PLEKHH1: variants seen among roughly 807,000 people sequenced by gnomAD.
PLEKHH1 encodes pleckstrin homology domain-containing family H member 1.
A neutral mutation model predicts 160.0 loss-of-function variants in PLEKHH1; 104 were observed. The ratio of observed to expected loss-of-function variants is 0.65; its 90% confidence interval spans 0.55 to 0.76. PLEKHH1 has a LOEUF of 0.76. Ranked by LOEUF, PLEKHH1 falls within the 30% of genes least tolerant of loss-of-function variation. The pLI is 0.00. For missense variants in PLEKHH1, 1,427 were observed against 1,724.1 expected, an observed-to-expected ratio of 0.83 and a Z score of 3.05; for synonymous variants, 619 against 678.4, an observed-to-expected ratio of 0.91 and a Z score of 1.36.
intron 8 of PLEKHH1, 181 bp from the exon 9 acceptor site, chr14:67,569,740 T>G: frequency 2.8e-5 from 17 of 608,148 alleles, no homozygotes; most frequent in East Asian, 1.1e-4. Flanking sequence ...CTTTACCACA[T>G]GGAGATCATG....
chr14:67,538,028 TA>T (rs1344554346), intron 1 of PLEKHH1, among the ~76,000 whole-genome samples: 1 of 152,182 alleles, frequency 6.6e-6, no homozygotes, highest in Non-Finnish European at 1.5e-5. Flanking sequence ...CAGCTGATCG[TA>T]ATTTTAGCGG....
At position 67,573,508 on chromosome 14, in the gene PLEKHH1, G is replaced by A; in HGVS notation, c.1839+122G>A. 1.4e-6 allele frequency: 1 copy of A among 707,218 alleles called. No homozygotes were observed. The allele number at this position is 707,218 out of a possible 1,614,324, so 43.8% of individuals were successfully genotyped here. A position where few individuals can be genotyped will look rare whatever the true frequency, so the allele number is the denominator to read the frequency against. Reference sequence around the variant, plus strand: ...GCCAGAGGGCAAAGGTCTGGCAGGTGGGGAGAGGCAACCTCACTGGGCCCC... The same window carrying A: ...GCCAGAGGGCAAAGGTCTGGCAGGTAGGGAGAGGCAACCTCACTGGGCCCC... On this transcript the variant is annotated intron_variant, in intron 12 of 28. Coordinates refer to ENST00000329153, the MANE Select transcript of PLEKHH1 (RefSeq NM_020715.3). The surrounding 1 kb of genome is among the most constrained non-coding windows in gnomAD (Gnocchi z 4.8).
At position 67,573,139 on chromosome 14, in the gene PLEKHH1, A is replaced by G. The variant is rs2140477259; in HGVS notation, c.1729-137A>G. On this transcript the variant is annotated intron_variant, in intron 11 of 28. Coordinates refer to ENST00000329153, the MANE Select transcript of PLEKHH1 (RefSeq NM_020715.3). The surrounding 1 kb of genome is among the most constrained non-coding windows in gnomAD (Gnocchi z 4.8). ...TAGCAGGGCATGGTACTCTGAAAAT[A>G]CACTGAGTAGGTACTCAATAATTTT... The G allele has an allele frequency of 1.6e-6, 1 of 618,904 alleles. No homozygotes were observed. The highest frequency in any genetic ancestry group is 2.5e-5 in the Admixed American group (1 of 39,640). The allele number at this position is 618,904 out of a possible 1,614,324, so 38.3% of individuals were successfully genotyped here. A position where few individuals can be genotyped will look rare whatever the true frequency, so the allele number is the denominator to read the frequency against.
chr14:67,571,889 G>A lies in PLEKHH1; in HGVS notation c.1572G>A (p.Arg524=). 4 of 1,610,594 alleles carry A rather than the reference G, an allele frequency of 2.5e-6. No individual in the cohort carries two copies. Among genetic ancestry groups the A allele is most frequent in the Non-Finnish European group, 3.4e-6 (4 of 1,178,342 alleles). ...SRKTSGLGSP[R]AIKRGVSMSS... is the part of the protein sequence containing the mutation. Reference sequence around the variant, plus strand: ...AGACCAGCGGACTAGGCAGCCCCCGGGCCATCAAGAGAGGTACAGAGAAGG... The same window carrying A: ...AGACCAGCGGACTAGGCAGCCCCCGAGCCATCAAGAGAGGTACAGAGAAGG... The change falls in exon 10 of 29, where the codon CGG becomes CGA. Residue 524 remains arginine (R), a synonymous_variant. Coordinates refer to ENST00000329153, the MANE Select transcript of PLEKHH1 (RefSeq NM_020715.3).
intron 26 of PLEKHH1, 50 bp from the exon 27 acceptor site, chr14:67,585,518 C>A: frequency 1.6e-6 from 2 of 1,280,434 alleles, no homozygotes; most frequent in Non-Finnish European, 2.2e-6. Flanking sequence ...TATTATAGTT[C>A]AAAATCTCTA....
rs747277456 is a variant in PLEKHH1 at position 67,583,735 on chromosome 14, C to T, written c.3427-6C>T. ...TGACTGGTCTCTTCATATGCTTCTA[C>T]CACAGGTAGAATATGGGGACTTGGA... On this transcript the variant is annotated splice_polypyrimidine_tract_variant and splice_region_variant and intron_variant, in intron 24 of 28. Coordinates refer to ENST00000329153, the MANE Select transcript of PLEKHH1 (RefSeq NM_020715.3). The T allele has an allele frequency of 1.2e-6, 2 of 1,609,320 alleles. No individual in the cohort carries two copies. Among genetic ancestry groups the T allele is most frequent in the Non-Finnish European group, 1.7e-6 (2 of 1,177,616 alleles).
Position 67,559,641 on chromosome 14 carries a change from C to G in PLEKHH1, c.373C>G (p.Gln125Glu), listed in dbSNP as rs760953304. ...QMRAEEAKTV[Q>E]EKAAKIKEWV... ...GAGGGCAGAGGAAGCAAAAACTGTT[C>G]AAGAAAAAGCTGCAAAGATCAAGGA... is the stretch of plus-strand genomic sequence containing the variant. The change falls in exon 5 of 29, where the codon CAA (glutamine) becomes GAA (glutamate). Residue 125 changes from glutamine (Q) to glutamate (E), a missense_variant. Gln to Glu is a conservative substitution (Grantham distance 29). Around this residue, in one of 6 missense-constraint regions of PLEKHH1, gnomAD observed 831 missense variants for 929.2 expected, o/e 0.89. Transcript: ENST00000329153. 6.2e-7 allele frequency: 1 copy of G among 1,605,334 alleles called. No homozygotes were observed. Among genetic ancestry groups the G allele is most frequent in the South Asian group, 1.1e-5 (1 of 88,776 alleles).
chr14:67,556,702 A>C (rs943586267), intron 3 of PLEKHH1, among the ~76,000 whole-genome samples: 3 of 152,248 alleles, frequency 2.0e-5, no homozygotes, highest in African/African-American at 7.2e-5. Context: ...AGCCTGGGCA[A>C]TATAGCAAGA....
intron 7 of PLEKHH1, 142 bp downstream of exon 7, chr14:67,563,036 G>T: frequency 2.5e-6 from 2 of 790,010 alleles, no homozygotes; most frequent in East Asian, 5.4e-5. Flanking sequence ...CATGGAGCCT[G>T]TGCAGACCAC....
chr14:67,576,310 G>C lies in PLEKHH1; in HGVS notation c.2353-85G>C. 1 of 731,144 alleles carries C rather than the reference G, an allele frequency of 1.4e-6. No individual in the cohort carries two copies. The highest frequency in any genetic ancestry group is 1.8e-5 in the South Asian group (1 of 55,940). 45.3% of individuals were successfully genotyped at this position (731,144 alleles called of 1,614,324 possible). A position where few individuals can be genotyped will look rare whatever the true frequency, so the allele number is the denominator to read the frequency against. ...AACTAGCTGAACCCCACATGGGCTT[G>C]GTCCCTTCAAGGAGTCCTCCTTGGA... On this transcript the variant is annotated intron_variant, in intron 16 of 28. Coordinates refer to ENST00000329153, the MANE Select transcript of PLEKHH1 (RefSeq NM_020715.3). The surrounding 1 kb of genome is among the most constrained non-coding windows in gnomAD (Gnocchi z 4.0).
In PLEKHH1 at chr14:67,541,897, CA is replaced by C. The variant is rs750536283; in HGVS notation, c.31del (p.Ser11AlafsTer2). ...CAGAACTCAAGGTGGAGGCGCCGGC[CA>C]GCGTAGACTGGCAGAAACGCTGCCT... MAELKVEAPA[S>X]VDWQKRCLTL... On this transcript the variant is annotated frameshift_variant, in exon 2 of 29. Coordinates refer to ENST00000329153, the MANE Select transcript of PLEKHH1 (RefSeq NM_020715.3). LOFTEE classifies it high-confidence loss of function. 23 of 1,603,420 alleles carry C rather than the reference CA, an allele frequency of 1.4e-5. No homozygotes were observed. The highest frequency in any genetic ancestry group is 1.7e-5 in the Non-Finnish European group (20 of 1,175,196).
Position 67,587,242 on chromosome 14 carries a change from C to A in PLEKHH1, c.*7C>A. ...GGGGCCAACGTTGCTGTGAATATTT[C>A]TCCTACCCGATTCCCCAACACCACT... On this transcript the variant is annotated 3_prime_UTR_variant, in exon 29 of 29. Transcript: ENST00000329153. 6.2e-7 allele frequency: 1 copy of A among 1,613,514 alleles called. No individual in the cohort carries two copies. The highest frequency in any genetic ancestry group is 2.2e-5 in the East Asian group (1 of 44,868).
intron 8 of PLEKHH1, 89 bp downstream of exon 8, chr14:67,569,305 G>C (rs1182510320): frequency 1.1e-6 from 1 of 923,598 alleles, no homozygotes; most frequent in Non-Finnish European, 1.7e-6. Context: ...GCAACACCCA[G>C]GGCCAGGGTT....
At position 67,572,145 on chromosome 14, in the gene PLEKHH1, G is replaced by A. The variant is rs1312770363; in HGVS notation, c.1596G>A (p.Met532Ile). The A allele has an allele frequency of 1.2e-6, 2 of 1,606,938 alleles. No homozygotes were observed. Among genetic ancestry groups the A allele is most frequent in the East Asian group, 4.5e-5 (2 of 44,536 alleles). The change falls in exon 11 of 29, where the codon ATG becomes ATA. Residue 532 changes from methionine to isoleucine, a missense_variant. Coordinates refer to ENST00000329153, the MANE Select transcript of PLEKHH1 (RefSeq NM_020715.3). The part of the protein sequence containing the change: ...SPRAIKRGVS[M>I]SSLSSEGDYA... ...TCCTCCCTCGGCAAGGCGTCTCCAT[G>A]TCCTCACTGAGCTCCGAGGGTGACT...
At chr14:67,572,001 C>A in intron 10 of PLEKHH1, 99 bp downstream of exon 10, 2 of 1,488,538 alleles carry the variant, frequency 1.3e-6, no homozygotes, top group Non-Finnish European at 1.8e-6. Context: ...GATCTGAGCT[C>A]GTGACCCCCC....
intron 7 of PLEKHH1, among the ~76,000 whole-genome samples, chr14:67,565,128 T>A (rs2035029266): frequency 1.3e-5 from 2 of 152,186 alleles, no homozygotes; most frequent in Admixed American, 1.3e-4. Context: ...AGGGCTCCTT[T>A]CCTTGCAAGG....
At chr14:67,564,554 C>A (rs146960207) in intron 7 of PLEKHH1, among the ~76,000 whole-genome samples, 19 of 152,178 alleles carry the variant, frequency 1.2e-4, no homozygotes, top group African/African-American at 4.6e-4. Context: ...GCCTCCTGGG[C>A]TCAAGCAATC....
rs1202640523 is a variant in PLEKHH1, at chr14:67,577,400, C to T, written c.2560C>T (p.Leu854Phe). 6.3e-7 allele frequency: 1 copy of T among 1,581,640 alleles called. No individual in the cohort carries two copies. The highest frequency in any genetic ancestry group is 2.3e-5 in the East Asian group (1 of 43,012). ...CTCTGAGGCCTTGCAGACGGAGGCC[C>T]TCAAGCTCTTCAAGGTAAATTGGGG... Reference protein sequence around the residue: ...LPSEALQTEALKLFKSCQLFI... With the variant: ...LPSEALQTEAFKLFKSCQLFI... Residue 854 changes from leucine to phenylalanine, a missense_variant, in exon 18 of 29, where the codon CTC (leucine) becomes TTC (phenylalanine). This residue lies in a region of PLEKHH1 where 436 missense variants were observed against 607.5 expected (regional missense o/e 0.72). Transcript: ENST00000329153.
chr14:67,561,835 A>G, intron 5 of PLEKHH1, 119 bp from the exon 6 acceptor site: 1 of 728,846 alleles, frequency 1.4e-6, no homozygotes, highest in South Asian at 1.8e-5. Flanking sequence ...GCTCCACTGC[A>G]ATTCAGTCTG....
Sources: gnomAD v4.1 joint callset for allele counts (sites outside exome capture counted in the v4.1 genomes callset) on GRCh38, gnomAD v4.1.1 for gene constraint, gnomAD v4.1.1 regional missense constraint, Gnocchi (gnomAD v3.1) non-coding constraint, MANE v1.5 for transcripts, NCBI Gene and HGNC (gene_info 2026-07-23, HGNC 2026-07-21) for gene names.